The following KLHL32 variants were observed in gnomAD, a reference collection of about 807,000 sequenced individuals.
The protein encoded by KLHL32 is kelch like family member 32.
In KLHL32, 35 loss-of-function variants were observed where a neutral mutation model predicts 64.8. The ratio of observed to expected loss-of-function variants is 0.54; its 90% CI spans 0.41 to 0.72. The LOEUF is 0.72. Ranked by LOEUF, KLHL32 falls within the 30% of genes least tolerant of loss-of-function variation. KLHL32 has a pLI of 0.00. For synonymous variants in KLHL32, 259 were observed against 281.0 expected (o/e 0.92, Z 0.78); for missense variants, 589 against 768.5 (o/e 0.77, Z 2.76).
chr6:97,065,678 A>G (rs1789632432), intron 5 of KLHL32, among the ~76,000 whole-genome samples: 2 of 152,354 alleles, frequency 1.3e-5, no homozygotes, highest in South Asian at 4.1e-4. Context: ...ATATGACATG[A>G]TATTAGTGAG....
intron 6 of KLHL32, among the ~76,000 whole-genome samples, chr6:97,107,943 G>A (rs921741987): frequency 1.3e-5 from 2 of 152,180 alleles, no homozygotes; most frequent in African/African-American, 4.8e-5. Context: ...GGATCAATTG[G>A]TTTGAAGTTG....
At chr6:96,991,106 G>A (rs2128064291) in intron 3 of KLHL32, among the ~76,000 whole-genome samples, 1 of 152,096 alleles carries the variant, frequency 6.6e-6, no homozygotes, top group East Asian at 1.9e-4. Context: ...TCCTTATGGC[G>A]GTTTTGGTGC....
the KLHL32 span, among the ~76,000 whole-genome samples, chr6:96,906,477 G>A: frequency 6.6e-6 from 1 of 152,102 alleles, no homozygotes; most frequent in African/African-American, 2.4e-5. Context: ...TCTGAGTGAA[G>A]GTCTCTTGAG....
the KLHL32 span, among the ~76,000 whole-genome samples, chr6:96,906,114 T>C: frequency 6.6e-6 from 1 of 152,212 alleles, no homozygotes; most frequent in Non-Finnish European, 1.5e-5. Flanking sequence ...GTTTCATTTC[T>C]GTTGGATGTG....
intron 10 of KLHL32, among the ~76,000 whole-genome samples, chr6:97,134,161 G>A (rs1056112877): frequency 6.6e-6 from 1 of 152,014 alleles, no homozygotes; most frequent in Non-Finnish European, 1.5e-5. Flanking sequence ...TCATAAGTTA[G>A]AAAATGAACC....
intron 3 of KLHL32, among the ~76,000 whole-genome samples, chr6:97,023,717 G>T (rs755664299): frequency 1.1e-4 from 16 of 152,190 alleles, no homozygotes; most frequent in Non-Finnish European, 1.6e-4. Flanking sequence ...GATCCAGCTG[G>T]CCTAGTTCTA....
chr6:96,964,502 A>G (rs1255438431), intron 1 of KLHL32, among the ~76,000 whole-genome samples: 1 of 152,100 alleles, frequency 6.6e-6, no homozygotes, highest in Non-Finnish European at 1.5e-5. Flanking sequence ...AAATACAAAA[A>G]ATTAGCAGGG....
At chr6:97,113,711 A>G (rs2128210062) in intron 6 of KLHL32, 72 bp from the exon 7 acceptor site, 3 of 1,538,588 alleles carry the variant, frequency 1.9e-6, no homozygotes, top group Admixed American at 3.6e-5. Flanking sequence ...CAGGTAACCT[A>G]CCTATATGCT....
At chr6:97,067,765 G>A (rs1790036907) in intron 5 of KLHL32, among the ~76,000 whole-genome samples, 1 of 152,108 alleles carries the variant, frequency 6.6e-6, no homozygotes, top group Admixed American at 6.5e-5. Flanking sequence ...TCATTCAGGT[G>A]CATTATTTCT....
At chr6:96,991,169 C>T (rs1262271501) in intron 3 of KLHL32, among the ~76,000 whole-genome samples, 2 of 151,642 alleles carry the variant, frequency 1.3e-5, no homozygotes, top group Admixed American at 6.6e-5. Flanking sequence ...AATGCAAGGG[C>T]AGCAAGGGCA....
intron 4 of KLHL32, among the ~76,000 whole-genome samples, chr6:97,056,733 C>T (rs1436117790): frequency 6.6e-6 from 1 of 152,118 alleles, no homozygotes; most frequent in African/African-American, 2.4e-5. Context: ...GTAAATAATT[C>T]AGGCCATATA....
intron 6 of KLHL32, among the ~76,000 whole-genome samples, chr6:97,092,151 G>A (rs1362913813): frequency 1.3e-5 from 2 of 151,974 alleles, no homozygotes; most frequent in African/African-American, 4.8e-5. Flanking sequence ...CACACACCTG[G>A]CTAATTTTTT....
At chr6:97,087,493 C>A (rs151075035) in intron 6 of KLHL32, among the ~76,000 whole-genome samples, 1 of 152,156 alleles carries the variant, frequency 6.6e-6, no homozygotes, top group Non-Finnish European at 1.5e-5. Context: ...CATTACGGAA[C>A]GTTCTCACTG....
At chr6:97,121,308 C>T (rs1798341578) in intron 7 of KLHL32, among the ~76,000 whole-genome samples, 1 of 152,020 alleles carries the variant, frequency 6.6e-6, no homozygotes, top group Non-Finnish European at 1.5e-5. Flanking sequence ...AAAATAGATG[C>T]TTAAATTGTA....
Position 97,139,445 on chromosome 6 carries a change from A to G in KLHL32, c.*163A>G, listed in dbSNP as rs898131225. 1.5e-5 allele frequency: 9 copies of G among 611,226 alleles called. No homozygotes were observed. In the Admixed American group the frequency reaches 1.6e-4, roughly 11 times the overall value. 37.9% of individuals were successfully genotyped at this position (611,226 alleles called of 1,614,324 possible). A position where few individuals can be genotyped will look rare whatever the true frequency, so the allele number is the denominator to read the frequency against. ...AATTTTCTAAAATACGTTATTGAAA[A>G]CTCGTCACCCTTCTCAGTGTATGTC... On this transcript the variant is annotated 3_prime_UTR_variant, in exon 11 of 11. Coordinates refer to ENST00000369261, the MANE Select transcript of KLHL32 (RefSeq NM_052904.4).
At chr6:97,110,942 TG>T (rs1329215418) in intron 6 of KLHL32, among the ~76,000 whole-genome samples, 1 of 151,958 alleles carries the variant, frequency 6.6e-6, no homozygotes, top group Non-Finnish European at 1.5e-5. Flanking sequence ...TTCTGAAGTT[TG>T]TAGCAAAACC....
At chr6:97,120,746 G>T (rs1237236416) in intron 7 of KLHL32, among the ~76,000 whole-genome samples, 1 of 152,156 alleles carries the variant, frequency 6.6e-6, no homozygotes, top group Non-Finnish European at 1.5e-5. Context: ...CCACTTGCCT[G>T]GTAGAGGTTA....
intron 3 of KLHL32, among the ~76,000 whole-genome samples, chr6:97,025,776 T>C (rs892321253): frequency 6.6e-6 from 1 of 152,220 alleles, no homozygotes. Flanking sequence ...AACCGTTTGC[T>C]TAATTTCACT....
intron 5 of KLHL32, among the ~76,000 whole-genome samples, chr6:97,067,586 A>G (rs1790000880): frequency 6.6e-6 from 1 of 152,128 alleles, no homozygotes; most frequent in African/African-American, 2.4e-5. Context: ...AGGGAACCAC[A>G]TATATTGAGG....
Sources: gnomAD v4.1 joint callset for allele counts (sites outside exome capture counted in the v4.1 genomes callset) on GRCh38, gnomAD v4.1.1 for gene constraint, MANE v1.5 for transcripts, NCBI Gene and HGNC (gene_info 2026-07-23, HGNC 2026-07-21) for gene names.